The following C3orf20 variants were observed in gnomAD, a reference collection of about 807,000 sequenced individuals.
C3orf20 encodes the protein family with sequence similarity 149 member C.
Under a neutral mutation model 88.3 loss-of-function variants are expected in C3orf20, and 76 were observed. The ratio of observed to expected loss-of-function variants is 0.86; its 90% CI spans 0.72 to 1.04. C3orf20 has a LOEUF of 1.04. Ranked by LOEUF, C3orf20 falls within the 50% of genes least tolerant of loss-of-function variation. The pLI is 0.00. For synonymous variants in C3orf20, 436 were observed against 437.4 expected (o/e 1.00, Z 0.04); for missense variants, 1,056 against 1,123.3 (o/e 0.94, Z 0.86).
intron 1 of C3orf20, among the ~76,000 whole-genome samples, chr3:14,679,875 C>A (rs983642017): frequency 6.6e-6 from 1 of 151,972 alleles, no homozygotes; most frequent in African/African-American, 2.4e-5. Flanking sequence ...ATACACATTT[C>A]TCAAAAAAAG....
chr3:14,759,691 A>G (rs2035496763), intron 13 of C3orf20, among the ~76,000 whole-genome samples, 200 bp from the exon 14 acceptor site: 2 of 152,256 alleles, frequency 1.3e-5, no homozygotes, highest in South Asian at 4.2e-4. Context: ...GGCTCTAATC[A>G]GATCCAGGGA....
chr3:14,764,165 A>G (rs1376141298), intron 15 of C3orf20, among the ~76,000 whole-genome samples: 1 of 152,124 alleles, frequency 6.6e-6, no homozygotes, highest in Admixed American at 6.6e-5. Flanking sequence ...ATACACATGC[A>G]TACACTATAC....
chr3:14,729,239 G>A (rs1338311991), intron 12 of C3orf20, among the ~76,000 whole-genome samples: 4 of 152,168 alleles, frequency 2.6e-5, no homozygotes, highest in Non-Finnish European at 1.5e-5. Context: ...GGGATGGGCT[G>A]TGGTAGAGGA....
chr3:14,750,749 T>C (rs1002855404), intron 12 of C3orf20, among the ~76,000 whole-genome samples: 52 of 152,318 alleles, frequency 3.4e-4, no homozygotes, highest in African/African-American at 1.2e-3. Flanking sequence ...TGTCTTTTGA[T>C]AATTTTATGA....
At chr3:14,755,682 T>C (rs911232012) in intron 12 of C3orf20, among the ~76,000 whole-genome samples, 2 of 152,252 alleles carry the variant, frequency 1.3e-5, no homozygotes, top group Non-Finnish European at 2.9e-5. Flanking sequence ...CATATGAACT[T>C]GGGCACCCAT....
chr3:14,746,277 G>A (rs2035054446), intron 12 of C3orf20, among the ~76,000 whole-genome samples: 1 of 152,198 alleles, frequency 6.6e-6, no homozygotes, highest in African/African-American at 2.4e-5. Context: ...TGCTAGCAAA[G>A]TTTTGGGGAA....
intron 11 of C3orf20, among the ~76,000 whole-genome samples, chr3:14,727,309 G>C (rs2034386978): frequency 6.6e-6 from 1 of 152,096 alleles, no homozygotes; most frequent in African/African-American, 2.4e-5. Context: ...TTATTTTCCT[G>C]GGTTTCTCGG....
At chr3:14,731,386 G>C (rs983690166) in intron 12 of C3orf20, among the ~76,000 whole-genome samples, 1 of 152,138 alleles carries the variant, frequency 6.6e-6, no homozygotes, top group African/African-American at 2.4e-5. Context: ...CACATTCAGA[G>C]ATTAACTAGG....
intron 1 of C3orf20, among the ~76,000 whole-genome samples, chr3:14,677,243 T>C (rs1414776580): frequency 1.3e-5 from 2 of 152,194 alleles, no homozygotes. Flanking sequence ...GTGTATACTT[T>C]GACCAAAAAA....
intron 12 of C3orf20, among the ~76,000 whole-genome samples, chr3:14,741,928 C>T (rs959534149): frequency 6.6e-6 from 1 of 152,160 alleles, no homozygotes; most frequent in African/African-American, 2.4e-5. Context: ...TAGAAAGGGG[C>T]AGTAACTCCC....
At chr3:14,711,837 T>C (rs1278376596) in intron 7 of C3orf20, among the ~76,000 whole-genome samples, 1 of 152,138 alleles carries the variant, frequency 6.6e-6, no homozygotes, top group Non-Finnish European at 1.5e-5. Context: ...AGTTTTTCTA[T>C]TTGTTTTCTA....
intron 1 of C3orf20, among the ~76,000 whole-genome samples, chr3:14,679,958 A>T (rs1006992393): frequency 6.6e-6 from 1 of 152,266 alleles, no homozygotes; most frequent in Non-Finnish European, 1.5e-5. Context: ...AATCAGAACC[A>T]CAATGAGACA....
At chr3:14,684,195 AG>A (rs1250257803) in intron 3 of C3orf20, 46 bp from the exon 4 acceptor site, 2 of 1,606,100 alleles carry the variant, frequency 1.2e-6, no homozygotes, top group Non-Finnish European at 1.7e-6. Flanking sequence ...TGGAAGCATT[AG>A]CCCCATGCTA....
intron 8 of C3orf20, 24 bp from the exon 9 acceptor site, chr3:14,715,265 T>C: frequency 6.2e-7 from 1 of 1,606,200 alleles, no homozygotes; most frequent in East Asian, 2.2e-5. Context: ...CGGTGGCAGC[T>C]ACTCACTTCT....
At chr3:14,724,698 A>G (rs1241321579) in intron 10 of C3orf20, among the ~76,000 whole-genome samples, 1 of 152,218 alleles carries the variant, frequency 6.6e-6, no homozygotes, top group African/African-American at 2.4e-5. Context: ...TATTTTTGAT[A>G]TACTGGTTTA....
At position 14,772,318 on chromosome 3, in the gene C3orf20, G is replaced by C. The variant is rs294624; in HGVS notation, c.2630+117G>C. The C allele has an allele frequency of 0.55, 693,224 of 1,258,064 alleles. 195,613 individuals are homozygous for C. The highest frequency in any genetic ancestry group is 0.59 in the Non-Finnish European group (524,618 of 888,184). The allele number at this position is 1,258,064 out of a possible 1,614,324, so 77.9% of individuals were successfully genotyped here. On this transcript the variant is annotated intron_variant, in intron 16 of 16. Coordinates refer to ENST00000253697, the MANE Select transcript of C3orf20 (RefSeq NM_032137.5). The surrounding 1 kb of genome is among the most constrained non-coding windows in gnomAD (Gnocchi z 4.2). The stretch of plus-strand genomic sequence containing the variant: ...GTGGCCTGGGTCATGTCCAACCATC[G>C]CTGACATCTAGCCCATGTAATCAAC...
intron 5 of C3orf20, among the ~76,000 whole-genome samples, chr3:14,690,457 A>G (rs1468993273): frequency 1.3e-5 from 2 of 152,210 alleles, no homozygotes; most frequent in Non-Finnish European, 2.9e-5. Context: ...CTCTGCTCAG[A>G]CAGCTCTGTC....
rs185687560 is a variant in C3orf20, at chr3:14,741,712, G to A, written c.1940+13024G>A. Among the ~76,000 whole-genome samples, 71 of 152,238 alleles carry A rather than the reference G, an allele frequency of 4.7e-4. 1 individual carries two copies. In the East Asian group the frequency reaches 0.01, roughly 22 times the overall value. On this transcript the variant is annotated intron_variant, in intron 12 of 16. Coordinates refer to ENST00000253697, the MANE Select transcript of C3orf20 (RefSeq NM_032137.5). The stretch of plus-strand genomic sequence containing the variant: ...ACTGAAGAGGTGTTACAGCTCTGGC[G>A]GTGTTACAGCTCTGGCAGTGTTACA...
intron 13 of C3orf20, 45 bp downstream of exon 13, chr3:14,757,719 G>T: frequency 1.9e-6 from 3 of 1,563,566 alleles, no homozygotes; most frequent in African/African-American, 1.4e-5. Context: ...CAGGGGCAGG[G>T]GTAGTGGGGC....
Sources: allele counts gnomAD v4.1 joint callset (sites outside exome capture counted in the v4.1 genomes callset), GRCh38; gene constraint gnomAD v4.1.1; non-coding constraint Gnocchi (gnomAD v3.1); transcripts MANE v1.5; gene names NCBI Gene and HGNC (gene_info 2026-07-23, HGNC 2026-07-21).